Variants in ADGRB3 observed in about 807,000 individuals in gnomAD.
The protein encoded by ADGRB3 is adhesion G protein-coupled receptor B3, also known as brain-specific angiogenesis inhibitor 3.
A neutral mutation model predicts 193.4 loss-of-function variants in ADGRB3; 37 were observed. The ratio of observed to expected loss-of-function variants is 0.19; its 90% CI spans 0.15 to 0.25. The LOEUF is 0.25. Ranked by LOEUF, ADGRB3 falls within the 10% of genes least tolerant of loss-of-function variation. The probability of loss-of-function intolerance (pLI) is 1.00; values close to 1 mark genes in which losing one functional copy is unlikely to be tolerated. For missense variants in ADGRB3, 1,637 were observed against 1,852.9 expected (o/e 0.88, Z 2.14); for synonymous variants, 690 against 644.2 (o/e 1.07, Z -1.08).
chr6:69,069,917 A>T (rs192125393), intron 16 of ADGRB3, among the ~76,000 whole-genome samples: 7 of 151,562 alleles, frequency 4.6e-5, no homozygotes, highest in Admixed American at 6.6e-5. Context: ...TAAACTTAGC[A>T]AAATCCAGGT....
intron 3 of ADGRB3, among the ~76,000 whole-genome samples, chr6:68,721,638 A>G (rs1254345821): frequency 3.7e-5 from 5 of 136,636 alleles, no homozygotes; most frequent in African/African-American, 1.3e-4. Context: ...ATATATATAT[A>G]TATATATATA....
chr6:69,028,060 G>A (rs1030227346), intron 13 of ADGRB3, among the ~76,000 whole-genome samples: 3 of 152,156 alleles, frequency 2.0e-5, no homozygotes, highest in African/African-American at 7.2e-5. Flanking sequence ...CAAGGAGACT[G>A]AGCAATTTTA....
At chr6:68,867,906 T>A (rs1765344413) in intron 3 of ADGRB3, among the ~76,000 whole-genome samples, 1 of 152,196 alleles carries the variant, frequency 6.6e-6, no homozygotes, top group Admixed American at 6.5e-5. Context: ...CTCCCACTGT[T>A]TCTTGGAAGT....
In ADGRB3 at chr6:68,847,835, TG is replaced by T. The variant is rs370116849; in HGVS notation, c.758-82723del. Among the ~76,000 whole-genome samples the T allele has an allele frequency of 4.8e-4, 73 of 151,474 alleles. 2 individuals carry two copies. The highest frequency in any genetic ancestry group is 1.7e-3 in the African/African-American group (70 of 41,248). On this transcript the variant is annotated intron_variant, in intron 3 of 31. Coordinates refer to ENST00000370598, the MANE Select transcript of ADGRB3 (RefSeq NM_001704.3). ...ATGAAATCAAAAGGAGTAAGTAAAA[TG>T]TAGAAAGTAAGTTCAGAAGGAAGTA...
At chr6:69,178,670 G>T (rs185064219) in intron 17 of ADGRB3, among the ~76,000 whole-genome samples, 1 of 144,906 alleles carries the variant, frequency 6.9e-6, no homozygotes, top group African/African-American at 2.9e-5. Flanking sequence ...CTTAGCACTT[G>T]TTTGCCTCAA....
At position 68,691,103 on chromosome 6, in the gene ADGRB3, A is replaced by T. The variant is rs568938678; in HGVS notation, c.757+51671A>T. On this transcript the variant is annotated intron_variant, in intron 3 of 31. Coordinates refer to ENST00000370598, the MANE Select transcript of ADGRB3 (RefSeq NM_001704.3). ...TTTTTGTTACTTCAGGACAAAAGTT[A>T]AAATGCATATAGGATCAAGTATAAT... Among the ~76,000 whole-genome samples the T allele has an allele frequency of 5.4e-4, 82 of 152,256 alleles. 1 individual carries two copies. Among genetic ancestry groups the T allele is most frequent in the Admixed American group, 2.0e-3 (31 of 15,264 alleles).
At chr6:68,827,269 C>T (rs568054156) in intron 3 of ADGRB3, among the ~76,000 whole-genome samples, 3 of 151,922 alleles carry the variant, frequency 2.0e-5, no homozygotes, top group South Asian at 4.1e-4. Context: ...CTAAGTGGTA[C>T]TGATAGTATC....
intron 17 of ADGRB3, among the ~76,000 whole-genome samples, chr6:69,126,487 C>T (rs9294819): frequency 0.22 from 33,052 of 152,032 alleles, 3,852 homozygotes; most frequent in Middle Eastern, 0.25. Context: ...TGTGCAAGTC[C>T]TGGAGTTAAA....
In ADGRB3 at chr6:68,880,515, A is replaced by G. The variant is rs183466456; in HGVS notation, c.758-50044A>G. ...CCTCCAAAACATCCCTCTCCATTCC[A>G]TCTAGCAACACTCCTATTCAAGCTT... On this transcript the variant is annotated intron_variant, in intron 3 of 31. Transcript: ENST00000370598. Among the ~76,000 whole-genome samples the G allele has an allele frequency of 3.0e-3, 457 of 152,244 alleles. 2 individuals are homozygous for G. Among genetic ancestry groups the G allele is most frequent in the African/African-American group, 9.7e-3 (402 of 41,540 alleles).
intron 13 of ADGRB3, among the ~76,000 whole-genome samples, chr6:69,034,683 GA>G (rs1400553523): frequency 6.6e-6 from 1 of 150,770 alleles, no homozygotes; most frequent in African/African-American, 2.4e-5. Flanking sequence ...GGAAGACAGA[GA>G]GAGAGTGAGA....
intron 3 of ADGRB3, among the ~76,000 whole-genome samples, chr6:68,800,825 T>G (rs1160564318): frequency 6.6e-6 from 1 of 152,088 alleles, no homozygotes; most frequent in Non-Finnish European, 1.5e-5. Context: ...ATATTATGAC[T>G]TAAGACAGGT....
At chr6:69,282,329 A>G (rs1271979712) in intron 20 of ADGRB3, among the ~76,000 whole-genome samples, 1 of 152,172 alleles carries the variant, frequency 6.6e-6, no homozygotes, top group Admixed American at 6.5e-5. Flanking sequence ...AGGATAACAG[A>G]CACCAAATAA....
chr6:69,133,622 G>A (rs1466223867), intron 17 of ADGRB3, among the ~76,000 whole-genome samples: 1 of 151,890 alleles, frequency 6.6e-6, no homozygotes, highest in Admixed American at 6.6e-5. Flanking sequence ...ACTTTATGTG[G>A]CCAGCATCAT....
At chr6:68,711,249 A>G (rs939723938) in intron 3 of ADGRB3, among the ~76,000 whole-genome samples, 6 of 151,950 alleles carry the variant, frequency 3.9e-5, no homozygotes, top group African/African-American at 1.2e-4. Context: ...TCTCTCTTTT[A>G]CAGTTATTAT....
chr6:68,742,327 A>T (rs1386034375), intron 3 of ADGRB3, among the ~76,000 whole-genome samples: 1 of 152,144 alleles, frequency 6.6e-6, no homozygotes, highest in Non-Finnish European at 1.5e-5. Context: ...ATGGAAATTT[A>T]ATCCTTTCTA....
intron 3 of ADGRB3, among the ~76,000 whole-genome samples, chr6:68,882,884 GT>G (rs145658478): frequency 0.095 from 14,209 of 149,310 alleles, 876 homozygotes; most frequent in Non-Finnish European, 0.13. Context: ...TCTATTACTA[GT>G]TTTTTTTTTG....
intron 20 of ADGRB3, among the ~76,000 whole-genome samples, chr6:69,321,106 G>C (rs1768447412): frequency 6.6e-6 from 1 of 151,568 alleles, no homozygotes; most frequent in African/African-American, 2.4e-5. Context: ...ATATACTTTT[G>C]TTTTCAAGGA....
intron 3 of ADGRB3, among the ~76,000 whole-genome samples, chr6:68,848,806 A>G (rs513357): frequency 0.87 from 132,782 of 151,978 alleles, 58,272 homozygotes; most frequent in Middle Eastern, 0.95. Context: ...GTACAGTCCT[A>G]TCAAAATTTA....
intron 3 of ADGRB3, among the ~76,000 whole-genome samples, chr6:68,806,116 A>G (rs1354184674): frequency 1.3e-5 from 2 of 152,188 alleles, no homozygotes; most frequent in African/African-American, 2.4e-5. Flanking sequence ...ACAACTATTG[A>G]ATGTGTGAAA....
Sources: allele counts gnomAD v4.1 joint callset (sites outside exome capture counted in the v4.1 genomes callset), GRCh38; gene constraint gnomAD v4.1.1; transcripts MANE v1.5; gene names NCBI Gene and HGNC (gene_info 2026-07-23, HGNC 2026-07-21).